TMEM178B: variants seen among roughly 807,000 people sequenced by gnomAD.
TMEM178B encodes transmembrane protein 178B.
TMEM178B carries 5 observed loss-of-function variants against 31.0 expected under a neutral mutation model. That is an observed-to-expected ratio of 0.16 (90% CI 0.08 to 0.34). The LOEUF (loss-of-function observed/expected upper bound fraction) is 0.34, where lower values mean the gene tolerates loss of function less well. Ranked by LOEUF, TMEM178B falls within the 10% of genes least tolerant of loss-of-function variation. The probability of loss-of-function intolerance (pLI) is 1.00; values close to 1 mark genes in which losing one functional copy is unlikely to be tolerated. For missense variants in TMEM178B, 275 were observed against 400.3 expected (o/e 0.69, Z 2.67); for synonymous variants, 164 against 164.0 (o/e 1.00, Z 0.00).
rs1797270189 is a variant in TMEM178B at position 141,222,292 on chromosome 7, C to T, written c.496+9588C>T. On this transcript the variant is annotated intron_variant, in intron 2 of 3. Coordinates refer to ENST00000565468, the MANE Select transcript of TMEM178B (RefSeq NM_001195278.2). ...GGGAATCTTCCTAATATCTAGCCTCCAAATCTCTATCTTATGTTTTTGATG... is the reference window on the plus strand; with the variant it reads ...GGGAATCTTCCTAATATCTAGCCTCTAAATCTCTATCTTATGTTTTTGATG... Among the ~76,000 whole-genome samples the T allele has an allele frequency of 2.0e-5, 3 of 152,084 alleles. No individual in the cohort carries two copies. The South Asian group carries it at 6.2e-4, about 32-fold the overall frequency.
intron 2 of TMEM178B, among the ~76,000 whole-genome samples, chr7:141,277,216 C>A (rs1334487850): frequency 6.6e-6 from 1 of 152,214 alleles, no homozygotes; most frequent in East Asian, 1.9e-4. Flanking sequence ...TAGCTTAAAA[C>A]ACCAACACAT....
At chr7:141,428,830 T>C (rs1202592109) in intron 2 of TMEM178B, among the ~76,000 whole-genome samples, 1 of 152,190 alleles carries the variant, frequency 6.6e-6, no homozygotes, top group East Asian at 1.9e-4. Context: ...AAACTCTCAC[T>C]CCTGTTCTAA....
chr7:141,505,481 C>A, the TMEM178B span, among the ~76,000 whole-genome samples: 1 of 152,222 alleles, frequency 6.6e-6, no homozygotes, highest in African/African-American at 2.4e-5. Flanking sequence ...CCCTTTCAAT[C>A]TGCTCTGGAG....
chr7:141,152,007 T>C (rs1586797717), intron 1 of TMEM178B, among the ~76,000 whole-genome samples: 1 of 152,172 alleles, frequency 6.6e-6, no homozygotes, highest in African/African-American at 2.4e-5. Context: ...CACAGAGGAC[T>C]TCCCTGTCTC....
intron 2 of TMEM178B, among the ~76,000 whole-genome samples, chr7:141,427,965 T>C (rs1792083620): frequency 6.6e-6 from 1 of 152,178 alleles, no homozygotes; most frequent in Non-Finnish European, 1.5e-5. Context: ...TCAATATCAC[T>C]AATCGTCAGG....
rs1794637360 is a variant in TMEM178B, at chr7:141,078,726, A to C, written c.382+4034A>C. ...AGTTGTCCTGAGGAAATGAAATCTG[A>C]ACAAGATGTTTGATAAGGTTTGGAG... On this transcript the variant is annotated intron_variant, in intron 1 of 3. Coordinates refer to ENST00000565468, the MANE Select transcript of TMEM178B (RefSeq NM_001195278.2). 2.0e-5 allele frequency among the ~76,000 whole-genome samples: 3 copies of C among 152,104 alleles called. 1 individual carries two copies. The South Asian group carries it at 6.2e-4, about 32-fold the overall frequency.
chr7:141,112,819 C>CT (rs1368141963), intron 1 of TMEM178B, among the ~76,000 whole-genome samples: 1 of 152,148 alleles, frequency 6.6e-6, no homozygotes, highest in African/African-American at 2.4e-5. Flanking sequence ...TGCAAATAGC[C>CT]ACTCATCCAC....
chr7:141,297,642 T>C (rs1255548373), intron 2 of TMEM178B, among the ~76,000 whole-genome samples: 4 of 152,318 alleles, frequency 2.6e-5, no homozygotes, highest in Non-Finnish European at 5.9e-5. Context: ...TTGCTGAGAA[T>C]GATGGTTTCC....
intron 3 of TMEM178B, among the ~76,000 whole-genome samples, chr7:141,452,411 T>C (rs1209438859): frequency 6.6e-6 from 1 of 152,266 alleles, no homozygotes; most frequent in Non-Finnish European, 1.5e-5. Context: ...TTAGCTTGTT[T>C]TCTTCACTTC....
intron 2 of TMEM178B, among the ~76,000 whole-genome samples, chr7:141,410,668 A>G (rs1586942518): frequency 6.6e-6 from 1 of 151,986 alleles, no homozygotes; most frequent in Admixed American, 6.6e-5. Context: ...GCGGTGACTT[A>G]TAAAGTCCTC....
At chr7:141,092,083 T>C (rs770612204) in intron 1 of TMEM178B, among the ~76,000 whole-genome samples, 8 of 152,208 alleles carry the variant, frequency 5.3e-5, no homozygotes, top group Admixed American at 2.6e-4. Flanking sequence ...TCCACTGTTA[T>C]AGCTGAATTC....
intron 1 of TMEM178B, among the ~76,000 whole-genome samples, chr7:141,170,055 A>C (rs1400221441): frequency 2.6e-5 from 4 of 152,146 alleles, no homozygotes; most frequent in African/African-American, 9.7e-5. Context: ...TTACTATTGG[A>C]TACTTAGATT....
At chr7:141,328,948 T>A (rs527855209) in intron 2 of TMEM178B, among the ~76,000 whole-genome samples, 2 of 152,352 alleles carry the variant, frequency 1.3e-5, no homozygotes, top group African/African-American at 4.8e-5. Context: ...TCAGGTCTTA[T>A]GACTTTCAGA....
intron 1 of TMEM178B, among the ~76,000 whole-genome samples, chr7:141,146,486 T>G (rs372646908): frequency 4.6e-5 from 7 of 152,338 alleles, no homozygotes; most frequent in African/African-American, 1.4e-4. Context: ...GTTGGATATA[T>G]TACCTAACTT....
intron 2 of TMEM178B, among the ~76,000 whole-genome samples, chr7:141,376,557 A>T (rs888274421): frequency 6.6e-6 from 1 of 152,336 alleles, no homozygotes; most frequent in South Asian, 2.1e-4. Context: ...CATGTTTAAC[A>T]TTAATCCATC....
Position 141,074,689 on chromosome 7 carries a change from A to G in TMEM178B, c.379A>G (p.Lys127Glu), listed in dbSNP as rs1299027682. ...CCCCGAGATCGCCGCCCTCATTCGG[A>G]AAGGTAAGCGCCGGGCGCAAGGCGT... ...FDPEIAALIR[K>E]GEIERCTYIK... Residue 127 changes from lysine to glutamate, a missense_variant, in exon 1 of 4, where the codon AAA becomes GAA. Physicochemically the swap from Lys to Glu is moderately conservative, Grantham distance 56. Transcript: ENST00000565468. This position sits in a 1 kb window ranked among gnomAD's most constrained non-coding sequence, Gnocchi z 5.1. The G allele has an allele frequency of 6.7e-7, 1 of 1,499,196 alleles. No individual in the cohort carries two copies. The highest frequency in any genetic ancestry group is 8.9e-7 in the Non-Finnish European group (1 of 1,126,330). The allele number at this position is 1,499,196 out of a possible 1,614,324, so 92.9% of individuals were successfully genotyped here. A position where few individuals can be genotyped will look rare whatever the true frequency, so the allele number is the denominator to read the frequency against.
chr7:141,210,464 A>T (rs1327590178), intron 1 of TMEM178B, among the ~76,000 whole-genome samples: 2 of 152,188 alleles, frequency 1.3e-5, no homozygotes, highest in Non-Finnish European at 2.9e-5. Context: ...ACTCTCAATC[A>T]GTCAATCAAT....
At chr7:141,199,165 A>G (rs1796834520) in intron 1 of TMEM178B, among the ~76,000 whole-genome samples, 1 of 152,208 alleles carries the variant, frequency 6.6e-6, no homozygotes, top group Admixed American at 6.5e-5. Flanking sequence ...TGTCTTGTTC[A>G]AAACATGCAA....
chr7:141,078,047 C>T lies in TMEM178B; in HGVS notation c.382+3355C>T, dbSNP rs545156272. On this transcript the variant is annotated intron_variant, in intron 1 of 3. Coordinates refer to ENST00000565468, the MANE Select transcript of TMEM178B (RefSeq NM_001195278.2). Reference sequence around the variant, plus strand: ...ATAGGGTACAGCAAGGGTAGATTACCCTGAATTCCCATTTGTTGGCATCCA... The same window carrying T: ...ATAGGGTACAGCAAGGGTAGATTACTCTGAATTCCCATTTGTTGGCATCCA... 5.3e-4 allele frequency among the ~76,000 whole-genome samples: 80 copies of T among 152,098 alleles called. 1 individual carries two copies. The highest frequency in any genetic ancestry group is 8.1e-4 in the Non-Finnish European group (55 of 67,972).
Sources: gnomAD v4.1 joint callset for allele counts (sites outside exome capture counted in the v4.1 genomes callset) on GRCh38, gnomAD v4.1.1 for gene constraint, Gnocchi (gnomAD v3.1) non-coding constraint, MANE v1.5 for transcripts, NCBI Gene and HGNC (gene_info 2026-07-23, HGNC 2026-07-21) for gene names.